The following PTPRD variants were observed in gnomAD, a reference collection of about 807,000 sequenced individuals.
PTPRD encodes protein tyrosine phosphatase receptor type D.
Under a neutral mutation model 214.5 loss-of-function variants are expected in PTPRD, and 34 were observed. That is an observed-to-expected ratio of 0.16 (90% confidence interval 0.12 to 0.21). The LOEUF (loss-of-function observed/expected upper bound fraction) is 0.21, where lower values mean the gene tolerates loss of function less well. Among genes scored for constraint, PTPRD ranks in the 10% least tolerant of loss-of-function variants. The pLI is 1.00. For synonymous variants in PTPRD, 1,128 were observed against 845.7 expected, an observed-to-expected ratio of 1.33 and a Z score of -5.79; for missense variants, 2,545 against 2,398.7, an observed-to-expected ratio of 1.06 and a Z score of -1.27.
At chr9:10,108,936 A>G (rs571337157) in intron 3 of PTPRD, among the ~76,000 whole-genome samples, 78 of 151,936 alleles carry the variant, frequency 5.1e-4, no homozygotes, top group African/African-American at 1.8e-3. Context: ...CCTATTGTTG[A>G]GAAAGTCCTT....
intron 35 of PTPRD, among the ~76,000 whole-genome samples, chr9:8,429,586 A>C (rs2094912142): frequency 6.6e-6 from 1 of 152,232 alleles, no homozygotes; most frequent in South Asian, 2.1e-4. Context: ...ATAAAAACAG[A>C]AGGACAGGGC....
chr9:10,134,772 T>C (rs112402110), intron 3 of PTPRD, among the ~76,000 whole-genome samples: 2,945 of 152,190 alleles, frequency 0.019, 104 homozygotes, highest in African/African-American at 0.065. Context: ...CCTTCTCAGA[T>C]GAGGAAGAAT....
chr9:10,053,379 G>C (rs1026433745), intron 3 of PTPRD, among the ~76,000 whole-genome samples: 1 of 152,108 alleles, frequency 6.6e-6, no homozygotes, highest in Non-Finnish European at 1.5e-5. Flanking sequence ...GCCCCTCATG[G>C]ATATCAGTAG....
intron 9 of PTPRD, among the ~76,000 whole-genome samples, chr9:9,269,985 A>C (rs1481218881): frequency 1.3e-5 from 2 of 150,258 alleles, no homozygotes; most frequent in Non-Finnish European, 3.0e-5. Context: ...TTAATTAATA[A>C]AATTAATAAT....
intron 3 of PTPRD, among the ~76,000 whole-genome samples, chr9:10,085,025 A>C (rs1164907699): frequency 1.3e-5 from 2 of 151,904 alleles, no homozygotes; most frequent in African/African-American, 4.8e-5. Context: ...ATGTCTTTTA[A>C]AGTAAAGGAT....
At chr9:8,372,377 C>T (rs1452712818) in intron 39 of PTPRD, among the ~76,000 whole-genome samples, 1 of 151,968 alleles carries the variant, frequency 6.6e-6, no homozygotes, top group African/African-American at 2.4e-5. Flanking sequence ...ATATGCCATG[C>T]ACTGTCTCAA....
intron 12 of PTPRD, among the ~76,000 whole-genome samples, chr9:8,651,510 A>C (rs904471430): frequency 2.0e-5 from 3 of 152,190 alleles, no homozygotes. Context: ...GAACTTTAAT[A>C]AAATGAGTTC....
intron 12 of PTPRD, among the ~76,000 whole-genome samples, chr9:8,697,399 T>C (rs1399157489): frequency 1.3e-5 from 2 of 150,498 alleles, no homozygotes; most frequent in East Asian, 3.9e-4. Context: ...TTTTTTATTA[T>C]TTATTTATTT....
At chr9:9,385,370 CA>C (rs1351729272) in intron 9 of PTPRD, among the ~76,000 whole-genome samples, 1 of 152,048 alleles carries the variant, frequency 6.6e-6, no homozygotes, top group African/African-American at 2.4e-5. Flanking sequence ...GTAAAATAAA[CA>C]AGAGGAAAGT....
intron 14 of PTPRD, among the ~76,000 whole-genome samples, chr9:8,622,003 A>T (rs946893577): frequency 6.6e-6 from 1 of 151,922 alleles, no homozygotes; most frequent in Admixed American, 6.6e-5. Flanking sequence ...ATTTTGCTTA[A>T]TGAAGTCCTC....
chr9:9,151,995 ATAGT>A (rs1473614841), intron 10 of PTPRD, among the ~76,000 whole-genome samples: 1 of 152,214 alleles, frequency 6.6e-6, no homozygotes, highest in Non-Finnish European at 1.5e-5. Context: ...TTGCTTATAA[ATAGT>A]TAGATGAGTG....
chr9:9,107,128 A>G (rs969921338), intron 10 of PTPRD, among the ~76,000 whole-genome samples: 2 of 152,306 alleles, frequency 1.3e-5, no homozygotes, highest in African/African-American at 2.4e-5. Flanking sequence ...ACATGAGGAT[A>G]TGAGTAATGG....
At chr9:9,111,128 A>G (rs932257074) in intron 10 of PTPRD, among the ~76,000 whole-genome samples, 7 of 151,786 alleles carry the variant, frequency 4.6e-5, no homozygotes, top group Non-Finnish European at 8.8e-5. Flanking sequence ...TCTGACCTAC[A>G]CTATGGGGAA....
In PTPRD at chr9:9,976,822, G is replaced by C. The variant is rs1349997379; in HGVS notation, c.-471-38212C>G. Among the ~76,000 whole-genome samples, 9 of 151,122 alleles carry C rather than the reference G, an allele frequency of 6.0e-5. 1 individual carries two copies. Among genetic ancestry groups the C allele is most frequent in the Admixed American group, 2.6e-4 (4 of 15,138 alleles). ...CTGTCTTCTTAGACAGTTCACTCCT[G>C]AGTTGTCTGTAGGAGTGATAAATAA... On this transcript the variant is annotated intron_variant, in intron 4 of 45. Transcript: ENST00000381196.
intron 3 of PTPRD, among the ~76,000 whole-genome samples, chr9:10,087,809 A>G (rs1405599558): frequency 6.6e-6 from 1 of 151,782 alleles, no homozygotes; most frequent in African/African-American, 2.4e-5. Context: ...TGTGAGGGAA[A>G]ATAGAAAGTA....
intron 8 of PTPRD, among the ~76,000 whole-genome samples, chr9:9,537,136 C>T (rs536491285): frequency 1.1e-4 from 16 of 152,044 alleles, no homozygotes; most frequent in Admixed American, 9.9e-4. Context: ...AACTGAGTAC[C>T]TGCTATGTGC....
intron 3 of PTPRD, among the ~76,000 whole-genome samples, chr9:10,136,434 T>G (rs529312734): frequency 1.3e-5 from 2 of 152,270 alleles, no homozygotes; most frequent in Non-Finnish European, 2.9e-5. Context: ...GTACACAGTC[T>G]TTTAATCTGC....
intron 10 of PTPRD, among the ~76,000 whole-genome samples, chr9:9,066,512 A>G (rs2099734620): frequency 6.6e-6 from 1 of 152,040 alleles, no homozygotes; most frequent in Non-Finnish European, 1.5e-5. Context: ...TCATGTCTTA[A>G]TCCTGGAAAT....
At chr9:8,336,066 T>G (rs992136983) in intron 43 of PTPRD, among the ~76,000 whole-genome samples, 1 of 151,026 alleles carries the variant, frequency 6.6e-6, no homozygotes, top group Non-Finnish European at 1.5e-5. Flanking sequence ...GCCATCCCCA[T>G]CAAGCTACCA....
Sources: allele counts gnomAD v4.1 joint callset (sites outside exome capture counted in the v4.1 genomes callset), GRCh38; gene constraint gnomAD v4.1.1; transcripts MANE v1.5; gene names NCBI Gene and HGNC (gene_info 2026-07-23, HGNC 2026-07-21).